Variants in ENPP6 observed in about 807,000 individuals in gnomAD.
ENPP6 encodes ectonucleotide pyrophosphatase/phosphodiesterase 6.
A neutral mutation model predicts 42.0 loss-of-function variants in ENPP6; 32 were observed. That is an observed-to-expected ratio of 0.76 (90% confidence interval 0.58 to 1.02). The LOEUF (loss-of-function observed/expected upper bound fraction) is 1.02, where lower values mean the gene tolerates loss of function less well. Ranked by LOEUF, ENPP6 falls within the 50% of genes least tolerant of loss-of-function variation. The probability of loss-of-function intolerance (pLI) is 0.00; values close to 1 mark genes in which losing one functional copy is unlikely to be tolerated. For synonymous variants in ENPP6, 213 were observed against 216.0 expected, an observed-to-expected ratio of 0.99 and a Z score of 0.12; for missense variants, 552 against 566.8, an observed-to-expected ratio of 0.97 and a Z score of 0.27.
intron 5 of ENPP6, among the ~76,000 whole-genome samples, chr4:184,115,952 A>T (rs1202134544): frequency 6.6e-6 from 1 of 152,146 alleles, no homozygotes; most frequent in African/African-American, 2.4e-5. Context: ...ACGGTGGTTC[A>T]CGCCTGTAAT....
intron 1 of ENPP6, among the ~76,000 whole-genome samples, chr4:184,196,500 GGTT>G (rs1732803028): frequency 6.6e-6 from 1 of 152,146 alleles, no homozygotes; most frequent in Non-Finnish European, 1.5e-5. Context: ...CAAAATCTGT[GGTT>G]CAGACAGTAA....
At chr4:184,152,673 C>T (rs557867414) in intron 2 of ENPP6, among the ~76,000 whole-genome samples, 19 of 152,100 alleles carry the variant, frequency 1.2e-4, no homozygotes, top group Non-Finnish European at 2.6e-4. Context: ...CAATGGGAAG[C>T]GGGTTGTATT....
At chr4:184,152,689 C>T (rs564640929) in intron 2 of ENPP6, among the ~76,000 whole-genome samples, 7 of 152,292 alleles carry the variant, frequency 4.6e-5, no homozygotes, top group Admixed American at 2.6e-4. Flanking sequence ...GTATTGTTAT[C>T]ACTGAATCCT....
chr4:184,158,716 G>A (rs1579641170), intron 1 of ENPP6, among the ~76,000 whole-genome samples: 1 of 152,112 alleles, frequency 6.6e-6, no homozygotes, highest in South Asian at 2.1e-4. Context: ...ATTGGCTTTC[G>A]ACATCTTATC....
At chr4:184,092,492 A>T (rs1408949085) in intron 7 of ENPP6, among the ~76,000 whole-genome samples, 2 of 152,218 alleles carry the variant, frequency 1.3e-5, no homozygotes, top group Non-Finnish European at 2.9e-5. Flanking sequence ...CACACGCAGC[A>T]CGGTGAGTGA....
chr4:184,107,602 C>T (rs918739631), intron 6 of ENPP6, among the ~76,000 whole-genome samples: 2 of 151,880 alleles, frequency 1.3e-5, no homozygotes, highest in African/African-American at 4.8e-5. Context: ...TGGTGAAACC[C>T]CGTCTCTACT....
At chr4:184,119,474 C>CAAGTCTTAAT (rs973551939) in intron 3 of ENPP6, among the ~76,000 whole-genome samples, 5 of 152,036 alleles carry the variant, frequency 3.3e-5, no homozygotes, top group Admixed American at 3.3e-4. Context: ...GAGCATATGA[C>CAAGTCTTAAT]AAGTCTTAAT....
intron 1 of ENPP6, among the ~76,000 whole-genome samples, chr4:184,169,133 G>A (rs1339664166): frequency 6.6e-6 from 1 of 152,166 alleles, no homozygotes; most frequent in Non-Finnish European, 1.5e-5. Flanking sequence ...CTCCAAAGGC[G>A]AAATTCCTCC....
At chr4:184,108,962 G>A (rs1736152278) in intron 6 of ENPP6, among the ~76,000 whole-genome samples, 1 of 152,250 alleles carries the variant, frequency 6.6e-6, no homozygotes, top group African/African-American at 2.4e-5. Flanking sequence ...TGTCATCCCA[G>A]CACTTTGGGA....
At chr4:184,152,746 G>A (rs1030630566) in intron 2 of ENPP6, among the ~76,000 whole-genome samples, 12 of 152,198 alleles carry the variant, frequency 7.9e-5, no homozygotes, top group African/African-American at 1.7e-4. Flanking sequence ...AGGGTGTCCC[G>A]AGGACTTCTC....
At chr4:184,170,231 A>G (rs1453954236) in intron 1 of ENPP6, among the ~76,000 whole-genome samples, 1 of 152,166 alleles carries the variant, frequency 6.6e-6, no homozygotes, top group South Asian at 2.1e-4. Context: ...GGAGTTTGAG[A>G]CCATACTGGG....
At chr4:184,100,149 T>A (rs949644317) in intron 6 of ENPP6, among the ~76,000 whole-genome samples, 4 of 152,200 alleles carry the variant, frequency 2.6e-5, no homozygotes, top group Non-Finnish European at 5.9e-5. Context: ...GAAAAACAAT[T>A]GCTCTTACTG....
chr4:184,212,868 AT>A (rs755712202), intron 1 of ENPP6, among the ~76,000 whole-genome samples: 4 of 152,172 alleles, frequency 2.6e-5, no homozygotes, highest in Non-Finnish European at 5.9e-5. Flanking sequence ...CCAAAACAGC[AT>A]GGTACTGGTA....
rs553355882 is a variant in ENPP6 at position 184,114,051 on chromosome 4, C to T, written c.856-1242G>A. Among the ~76,000 whole-genome samples the T allele has an allele frequency of 4.6e-5, 7 of 151,806 alleles. No individual in the cohort carries two copies. In the South Asian group the frequency reaches 1.3e-3, roughly 27 times the overall value. ...CAAGATCTTGGCTCACTGCAACCTC[C>T]GACTCCTGAGTTCAAGCAATTCTCC... On this transcript the variant is annotated intron_variant, in intron 5 of 7. Transcript: ENST00000296741.
chr4:184,214,810 A>G (rs1733172449), intron 1 of ENPP6, among the ~76,000 whole-genome samples: 1 of 152,208 alleles, frequency 6.6e-6, no homozygotes, highest in African/African-American at 2.4e-5. Context: ...GGAGGGGGAC[A>G]TCACACACTG....
intron 1 of ENPP6, among the ~76,000 whole-genome samples, chr4:184,179,501 G>A (rs1465685859): frequency 6.6e-6 from 1 of 152,108 alleles, no homozygotes; most frequent in African/African-American, 2.4e-5. Flanking sequence ...ACTCAGCCCT[G>A]GATCGAGTGG....
chr4:184,112,236 C>T (rs371646986), intron 6 of ENPP6, among the ~76,000 whole-genome samples: 35 of 152,318 alleles, frequency 2.3e-4, no homozygotes, highest in African/African-American at 7.9e-4. Context: ...TGATATTCTC[C>T]TCTGAAAGAT....
At chr4:184,162,837 A>G (rs1249091145) in intron 1 of ENPP6, among the ~76,000 whole-genome samples, 1 of 152,148 alleles carries the variant, frequency 6.6e-6, no homozygotes, top group Non-Finnish European at 1.5e-5. Context: ...CACAGAGTTT[A>G]ATTCAGGGGT....
intron 1 of ENPP6, among the ~76,000 whole-genome samples, chr4:184,191,055 G>A (rs1006365724): frequency 4.6e-5 from 7 of 152,242 alleles, no homozygotes; most frequent in Non-Finnish European, 1.0e-4. Flanking sequence ...ATGTGTGCAG[G>A]CGTATGCCAC....
Sources: allele counts gnomAD v4.1 joint callset (sites outside exome capture counted in the v4.1 genomes callset), GRCh38; gene constraint gnomAD v4.1.1; transcripts MANE v1.5; gene names NCBI Gene and HGNC (gene_info 2026-07-23, HGNC 2026-07-21).